Variants in ISM1 observed in about 807,000 individuals in gnomAD.
ISM1 encodes isthmin-1.
A neutral mutation model predicts 46.3 loss-of-function variants in ISM1; 25 were observed. The ratio of observed to expected loss-of-function variants is 0.54; its 90% CI spans 0.39 to 0.75. ISM1 has a LOEUF of 0.75. Among genes scored for constraint, ISM1 ranks in the 30% least tolerant of loss-of-function variants. The probability of loss-of-function intolerance (pLI) is 0.00; values close to 1 mark genes in which losing one functional copy is unlikely to be tolerated. For missense variants in ISM1, 536 were observed against 625.4 expected (o/e 0.86, Z 1.52); for synonymous variants, 255 against 256.7 (o/e 0.99, Z 0.06).
At chr20:13,320,161 C>T in the ISM1 span, among the ~76,000 whole-genome samples, 16 of 152,192 alleles carry the variant, frequency 1.1e-4, no homozygotes, top group African/African-American at 3.1e-4. Flanking sequence ...AATAACCCTG[C>T]TGAGGGGCTC....
At chr20:13,297,777 T>C (rs2040420886) in intron 5 of ISM1, among the ~76,000 whole-genome samples, 1 of 152,240 alleles carries the variant, frequency 6.6e-6, no homozygotes, top group African/African-American at 2.4e-5. Context: ...AATTCTTAAA[T>C]ATAGGCAACT....
chr20:13,304,378 T>TC (rs1166139029), downstream of ISM1, among the ~76,000 whole-genome samples: 1 of 152,034 alleles, frequency 6.6e-6, no homozygotes, highest in East Asian at 1.9e-4. Context: ...TCCTTCTCAC[T>TC]CCCCCACTGT....
chr20:13,312,454 G>A, the ISM1 span, among the ~76,000 whole-genome samples: 2 of 152,154 alleles, frequency 1.3e-5, no homozygotes, highest in Non-Finnish European at 1.5e-5. Context: ...CCTGCACAAC[G>A]CCCTGCAACT....
chr20:13,310,525 T>A, the ISM1 span, among the ~76,000 whole-genome samples: 1 of 152,158 alleles, frequency 6.6e-6, no homozygotes, highest in Non-Finnish European at 1.5e-5. Flanking sequence ...CAGAGATTTG[T>A]CTCCTGCCCA....
At chr20:13,308,247 C>T in the ISM1 span, among the ~76,000 whole-genome samples, 13 of 152,158 alleles carry the variant, frequency 8.5e-5, no homozygotes, top group Admixed American at 3.3e-4. Context: ...GTGTCTGTAA[C>T]ACAGTGTGAA....
chr20:13,311,750 C>G, the ISM1 span, among the ~76,000 whole-genome samples: 2 of 152,072 alleles, frequency 1.3e-5, no homozygotes, highest in Non-Finnish European at 2.9e-5. Flanking sequence ...CTCATACCAG[C>G]AGAGAGTAGA....
chr20:13,321,253 T>TTAAAAAA, the ISM1 span, among the ~76,000 whole-genome samples: 1 of 57,522 alleles, frequency 1.7e-5, no homozygotes. Context: ...GTGCCCCACA[T>TTAAAAAA]AAAAAAAAAA....
At chr20:13,249,068 G>T (rs2039835660) in intron 1 of ISM1, among the ~76,000 whole-genome samples, 1 of 152,162 alleles carries the variant, frequency 6.6e-6, no homozygotes, top group Non-Finnish European at 1.5e-5. Context: ...GCCCTGCAAA[G>T]AACCTGTTGC....
chr20:13,278,210 G>A (rs2040202294), intron 2 of ISM1, among the ~76,000 whole-genome samples: 2 of 152,138 alleles, frequency 1.3e-5, no homozygotes, highest in East Asian at 3.9e-4. Context: ...TACGTTGATT[G>A]TCTCTTGGAA....
intron 1 of ISM1, among the ~76,000 whole-genome samples, chr20:13,258,202 G>A (rs1245896452): frequency 6.6e-6 from 1 of 152,142 alleles, no homozygotes; most frequent in African/African-American, 2.4e-5. Context: ...TGATCTGCAT[G>A]TATTACATCA....
chr20:13,254,580 A>G (rs2039905218), intron 1 of ISM1, among the ~76,000 whole-genome samples: 1 of 152,150 alleles, frequency 6.6e-6, no homozygotes, highest in African/African-American at 2.4e-5. Flanking sequence ...TGACTTGGTC[A>G]CAGGCAGGTG....
At chr20:13,264,182 T>C (rs911387843) in intron 1 of ISM1, among the ~76,000 whole-genome samples, 7 of 152,230 alleles carry the variant, frequency 4.6e-5, no homozygotes, top group Non-Finnish European at 8.8e-5. Flanking sequence ...GCCTGTTCTT[T>C]GCCTTTCAGA....
the ISM1 span, among the ~76,000 whole-genome samples, chr20:13,316,594 C>T: frequency 6.6e-6 from 1 of 151,686 alleles, no homozygotes; most frequent in South Asian, 2.1e-4. Context: ...GCCCCATGAC[C>T]AAGTGGGATT....
At chr20:13,294,163 C>A (rs1231104216) in intron 5 of ISM1, among the ~76,000 whole-genome samples, 2 of 152,088 alleles carry the variant, frequency 1.3e-5, no homozygotes, top group African/African-American at 4.8e-5. Context: ...GGCCTGAAAT[C>A]TTGATTTTGC....
chr20:13,249,162 TG>T (rs1029330311), intron 1 of ISM1, among the ~76,000 whole-genome samples: 2 of 152,158 alleles, frequency 1.3e-5, no homozygotes, highest in Non-Finnish European at 1.5e-5. Flanking sequence ...CACAAAGATC[TG>T]GGGGGAAAAA....
Position 13,221,704 on chromosome 20 carries a change from T to G in ISM1, c.-73T>G. ...CGCTGCCGGGCTCCCGGGCTCCTAC[T>G]CCTCCTCCCCCGGCGTCACCGCCGC... On this transcript the variant is annotated 5_prime_UTR_variant, in exon 1 of 6. Transcript: ENST00000262487. 7.9e-7 allele frequency: 1 copy of G among 1,262,170 alleles called. No homozygotes were observed. The highest frequency in any genetic ancestry group is 1.0e-6 in the Non-Finnish European group (1 of 997,742). 78.2% of individuals were successfully genotyped at this position (1,262,170 alleles called of 1,614,324 possible). A position where few individuals can be genotyped will look rare whatever the true frequency, so the allele number is the denominator to read the frequency against.
chr20:13,294,343 C>T (rs1163787469), intron 5 of ISM1, among the ~76,000 whole-genome samples: 6 of 152,192 alleles, frequency 3.9e-5, no homozygotes, highest in African/African-American at 4.8e-5. Flanking sequence ...TTGCATTTAA[C>T]AGGAACCGTC....
At chr20:13,242,898 C>T (rs2039744473) in intron 1 of ISM1, among the ~76,000 whole-genome samples, 1 of 152,172 alleles carries the variant, frequency 6.6e-6, no homozygotes. Flanking sequence ...ATAGTCCCTA[C>T]TGTGGGCCAG....
chr20:13,253,218 T>G (rs1254374781), intron 1 of ISM1, among the ~76,000 whole-genome samples: 2 of 152,156 alleles, frequency 1.3e-5, no homozygotes, highest in African/African-American at 4.8e-5. Context: ...TTTTTGATCT[T>G]CTCACCCTGC....
Sources: allele counts gnomAD v4.1 joint callset (sites outside exome capture counted in the v4.1 genomes callset), GRCh38; gene constraint gnomAD v4.1.1; transcripts MANE v1.5; gene names NCBI Gene and HGNC (gene_info 2026-07-23, HGNC 2026-07-21).